SLC5A2: variants seen among roughly 807,000 people sequenced by gnomAD.
SLC5A2 encodes sodium/glucose cotransporter 2.
SLC5A2 carries 67 observed loss-of-function variants against 69.0 expected under a neutral mutation model. The observed-to-expected ratio is 0.97, with a 90% CI of 0.80 to 1.19. SLC5A2 has a LOEUF of 1.19. Among genes scored for constraint, SLC5A2 ranks in the 50% most tolerant of loss-of-function variants. SLC5A2 has a pLI of 0.00. For synonymous variants in SLC5A2, 455 were observed against 395.8 expected, an observed-to-expected ratio of 1.15 and a Z score of -1.78; for missense variants, 1,001 against 921.5, an observed-to-expected ratio of 1.09 and a Z score of -1.12.
intron 12 of SLC5A2, 116 bp downstream of exon 12, chr16:31,489,454 G>C (rs2082539717): frequency 4.4e-6 from 4 of 913,572 alleles, no homozygotes; most frequent in Non-Finnish European, 6.9e-6. Flanking sequence ...GAATGGGCTG[G>C]GGGTCCAGCT....
chr16:31,488,746 C>T lies in SLC5A2; in HGVS notation c.1254C>T (p.Gly418=). ...DIYTRLRPRA[G]DRELLLVGRL... ...ACACGCGCCTGCGGCCACGCGCCGG[C>T]GACCGCGAGCTGCTGCTGGTGGGAC... Residue 418 remains glycine, a synonymous_variant, in exon 10 of 14, where the codon GGC becomes GGT. Transcript: ENST00000330498. 2 of 1,605,440 alleles carry T rather than the reference C, an allele frequency of 1.2e-6. No homozygotes were observed. The highest frequency in any genetic ancestry group is 1.7e-6 in the Non-Finnish European group (2 of 1,177,418).
At position 31,488,245 on chromosome 16, in the gene SLC5A2, A is replaced by G. The variant is rs116678833; in HGVS notation, c.1021+72A>G. 9.0e-4 allele frequency: 1,451 copies of G among 1,610,804 alleles called. 9 individuals are homozygous for G. In the African/African-American group the frequency reaches 0.017, roughly 19 times the overall value. On this transcript the variant is annotated intron_variant, in intron 8 of 13. Transcript: ENST00000330498. Reference sequence around the variant, plus strand: ...CGTCGCCCAGTTCCGTCACCCTCCTAAGACTCGGCAGTTTGGGCCCGGAGT... The same window carrying G: ...CGTCGCCCAGTTCCGTCACCCTCCTGAGACTCGGCAGTTTGGGCCCGGAGT...
chr16:31,489,514 A>C, intron 12 of SLC5A2, 176 bp downstream of exon 12: 1 of 663,040 alleles, frequency 1.5e-6, no homozygotes, highest in Non-Finnish European at 2.7e-6. Flanking sequence ...ATTTATTTGA[A>C]CCGGCCTGGG....
chr16:31,487,043 T>TCAAAAA (rs5816530), intron 5 of SLC5A2, among the ~76,000 whole-genome samples: 49,576 of 150,208 alleles, frequency 0.33, 10,005 homozygotes, highest in Middle Eastern at 0.52. Flanking sequence ...AGACTCCATC[T>TCAAAAA]CAAAAACAAA....
chr16:31,488,700 C>G lies in SLC5A2; in HGVS notation c.1208C>G (p.Thr403Arg). The G allele has an allele frequency of 6.2e-7, 1 of 1,612,100 alleles. No homozygotes were observed. Among genetic ancestry groups the G allele is most frequent in the Non-Finnish European group, 8.5e-7 (1 of 1,179,356 alleles). ...GCCTCCATCTTCAACAGCAGCAGCA[C>G]GCTCTTCACCATGGACATCTACACG... Reference protein sequence around the residue: ...SLASIFNSSSTLFTMDIYTRL... With the variant: ...SLASIFNSSSRLFTMDIYTRL... The change falls in exon 10 of 14, where the codon ACG (threonine) becomes AGG (arginine). Residue 403 changes from threonine to arginine, a missense_variant. Transcript: ENST00000330498.
At chr16:31,489,875 G>T in intron 12 of SLC5A2, 2 of 571,140 alleles carry the variant, frequency 3.5e-6, no homozygotes, top group Non-Finnish European at 6.4e-6. Context: ...TGACAAAGCT[G>T]GGGGAGCAAG....
At chr16:31,489,837 T>C in intron 12 of SLC5A2, 3 of 493,746 alleles carry the variant, frequency 6.1e-6, no homozygotes, top group South Asian at 6.0e-5. Context: ...TCACAAGCGC[T>C]ACCATCTGGG....
At position 31,488,789 on chromosome 16, in the gene SLC5A2, C is replaced by G; in HGVS notation, c.1280+17C>G. On this transcript the variant is annotated intron_variant, in intron 10 of 13. Transcript: ENST00000330498. ...GGTGGGACGGTGCGGCCTGGGCTCCCCTCCTCCCCAACGGATCAGCCCGGG... is the reference window on the plus strand; with the variant it reads ...GGTGGGACGGTGCGGCCTGGGCTCCGCTCCTCCCCAACGGATCAGCCCGGG... 6.2e-7 allele frequency: 1 copy of G among 1,600,304 alleles called. No individual in the cohort carries two copies. Among genetic ancestry groups the G allele is most frequent in the South Asian group, 1.1e-5 (1 of 90,764 alleles).
At chr16:31,488,589 G>A (rs765135415) in intron 9 of SLC5A2, 33 bp from the exon 10 acceptor site, 1 of 1,609,862 alleles carries the variant, frequency 6.2e-7, no homozygotes, top group Non-Finnish European at 8.5e-7. Context: ...GACCCCCAGT[G>A]GCCCCAGCCT....
rs751455529 is a variant in SLC5A2, at chr16:31,490,326, C to T, written c.1810C>T (p.Pro604Ser). 3.4e-5 allele frequency: 55 copies of T among 1,612,296 alleles called. 1 individual carries two copies. The South Asian group carries it at 5.8e-4, about 17-fold the overall frequency. ...TCCCTCAGAGCCCCAGGCCCCGGCA[C>T]CAAGCCTCTTCCGCCAGTGCCTGCT... ...MEMNEPQAPA[P>S]SLFRQCLLWF... Residue 604 changes from proline (P) to serine (S), a missense_variant, in exon 14 of 14, where the codon CCA becomes TCA. Pro to Ser is a moderately conservative substitution (Grantham distance 74). Coordinates refer to ENST00000330498, the MANE Select transcript of SLC5A2 (RefSeq NM_003041.4).
At chr16:31,488,839 G>A (rs763654280) in intron 10 of SLC5A2, 41 bp from the exon 11 acceptor site, 12 of 1,602,188 alleles carry the variant, frequency 7.5e-6, no homozygotes, top group South Asian at 1.1e-5. Context: ...ACCTGCAGGG[G>A]AGCCCAGGGT....
At position 31,488,767 on chromosome 16, in the gene SLC5A2, G is replaced by A. The variant is rs183103554; in HGVS notation, c.1275G>A (p.Val425=). ...PRAGDRELLL[V]GRLWVVFIVV... ...CCGGCGACCGCGAGCTGCTGCTGGT[G>A]GGACGGTGCGGCCTGGGCTCCCCTC... The change falls in exon 10 of 14, where the codon GTG becomes GTA. Residue 425 remains valine (V), a synonymous_variant. Coordinates refer to ENST00000330498, the MANE Select transcript of SLC5A2 (RefSeq NM_003041.4). 900 of 1,601,842 alleles carry A rather than the reference G, an allele frequency of 5.6e-4. 1 individual carries two copies. The highest frequency in any genetic ancestry group is 7.1e-4 in the Non-Finnish European group (838 of 1,177,408).
rs1456939729 is a variant in SLC5A2 at position 31,484,815 on chromosome 16, C to T, written c.199-4C>T. 1 of 1,612,888 alleles carries T rather than the reference C, an allele frequency of 6.2e-7. No individual in the cohort carries two copies. Among genetic ancestry groups the T allele is most frequent in the East Asian group, 2.2e-5 (1 of 44,900 alleles). ...CCTGCTCACTCCCTCCTCTGGCCAC[C>T]CAGGTTGGGGCCTCTCTCTTCGCCA... On this transcript the variant is annotated splice_polypyrimidine_tract_variant and splice_region_variant and intron_variant, in intron 2 of 13. Coordinates refer to ENST00000330498, the MANE Select transcript of SLC5A2 (RefSeq NM_003041.4).
At chr16:31,485,640 C>T in intron 3 of SLC5A2, 89 bp from the exon 4 acceptor site, 1 of 1,544,802 alleles carries the variant, frequency 6.5e-7, no homozygotes, top group Non-Finnish European at 8.8e-7. Flanking sequence ...TTCCCAGGGC[C>T]ACTTGCTTGG....
intron 12 of SLC5A2, chr16:31,489,783 G>A (rs1036377700): frequency 6.6e-6 from 3 of 453,370 alleles, no homozygotes; most frequent in East Asian, 4.6e-5. Flanking sequence ...AAGGGTGGGA[G>A]CACACAGGCA....
Position 31,487,612 on chromosome 16 carries a change from A to C in SLC5A2, c.738A>C (p.Pro246=), listed in dbSNP as rs1402168263. The C allele has an allele frequency of 1.9e-5, 30 of 1,613,860 alleles. 1 individual carries two copies. Among genetic ancestry groups the C allele is most frequent in the Non-Finnish European group, 2.5e-5 (30 of 1,180,012 alleles). ...AATSLTVSED[P]AVGNISSFCY... ...CTTCGCTGACGGTGTCCGAGGATCC[A>C]GCCGTGGGAAACATCTCCAGCTTCT... The change falls in exon 7 of 14, where the codon CCA becomes CCC. Residue 246 remains proline, a synonymous_variant. Transcript: ENST00000330498.
intron 5 of SLC5A2, among the ~76,000 whole-genome samples, chr16:31,487,038 C>A (rs566736554): frequency 1.0e-3 from 148 of 148,268 alleles, no homozygotes; most frequent in African/African-American, 3.4e-3. Context: ...GGGCAAGACT[C>A]CATCTCAAAA....
chr16:31,486,544 T>C (rs1471019911), intron 5 of SLC5A2, among the ~76,000 whole-genome samples: 1 of 152,184 alleles, frequency 6.6e-6, no homozygotes, highest in Non-Finnish European at 1.5e-5. Context: ...CTTGCCTGCC[T>C]TGAACACCTG....
chr16:31,486,596 C>A (rs1194183448), intron 5 of SLC5A2, among the ~76,000 whole-genome samples: 1 of 152,160 alleles, frequency 6.6e-6, no homozygotes, highest in Non-Finnish European at 1.5e-5. Flanking sequence ...CTGGCAAAAC[C>A]CAGTATGGTT....
Sources: allele counts gnomAD v4.1 joint callset (sites outside exome capture counted in the v4.1 genomes callset), GRCh38; gene constraint gnomAD v4.1.1; transcripts MANE v1.5; gene names NCBI Gene and HGNC (gene_info 2026-07-23, HGNC 2026-07-21).